Variants in GANC observed in about 807,000 individuals in gnomAD.
GANC encodes glucosidase alpha, neutral C, also known as neutral alpha-glucosidase C.
In GANC, 117 loss-of-function variants were observed where a neutral mutation model predicts 124.2. That is an observed-to-expected ratio of 0.94 (90% CI 0.81 to 1.10). The LOEUF is 1.10. Ranked by LOEUF, GANC falls within the 50% of genes least tolerant of loss-of-function variation. GANC has a pLI of 0.00. For missense variants in GANC, 1,140 were observed against 1,095.0 expected, an observed-to-expected ratio of 1.04 and a Z score of -0.58; for synonymous variants, 377 against 376.8, an observed-to-expected ratio of 1.00 and a Z score of -0.01.
intron 13 of GANC, 26 bp from the exon 14 acceptor site, chr15:42,329,280 T>G (rs1294545377): frequency 5.0e-6 from 8 of 1,598,848 alleles, no homozygotes; most frequent in Non-Finnish European, 6.8e-6. Context: ...AATGTAGGAG[T>G]GTCATGACCA....
intron 16 of GANC, among the ~76,000 whole-genome samples, 168 bp from the exon 17 acceptor site, chr15:42,339,501 G>A (rs1595783667): frequency 6.6e-6 from 1 of 152,256 alleles, no homozygotes; most frequent in South Asian, 2.1e-4. Context: ...CCCCAAACAG[G>A]CTGAATTATG....
intron 10 of GANC, among the ~76,000 whole-genome samples, chr15:42,321,536 C>G (rs78801403): frequency 0.037 from 5,579 of 152,296 alleles, 102 homozygotes; most frequent in Non-Finnish European, 0.042. Flanking sequence ...ATTAACCTCT[C>G]TGTGTTCTGG....
chr15:42,279,360 A>G (rs2051708808), intron 3 of GANC, among the ~76,000 whole-genome samples: 1 of 152,204 alleles, frequency 6.6e-6, no homozygotes, highest in Non-Finnish European at 1.5e-5. Context: ...GGGTATGTCC[A>G]AATCTCAAAA....
At chr15:42,308,159 A>G in intron 7 of GANC, 63 bp from the exon 8 acceptor site, 1 of 1,036,668 alleles carries the variant, frequency 9.6e-7, no homozygotes, top group Non-Finnish European at 1.5e-6. Context: ...ACTCAGAATT[A>G]ACTGAATCTC....
At chr15:42,279,953 C>A (rs572865009) in intron 3 of GANC, among the ~76,000 whole-genome samples, 1 of 152,272 alleles carries the variant, frequency 6.6e-6, no homozygotes, top group East Asian at 1.9e-4. Flanking sequence ...TATTCCCAGA[C>A]AGAAAGAACA....
At chr15:42,329,550 C>T in intron 14 of GANC, 101 bp downstream of exon 14, 5 of 1,264,446 alleles carry the variant, frequency 4.0e-6, no homozygotes, top group Non-Finnish European at 4.3e-6. Flanking sequence ...CTGTTCATTT[C>T]TCTTTGTGTG....
In GANC at chr15:42,348,167, G is replaced by T. The variant is rs1020008668; in HGVS notation, c.2369G>T (p.Gly790Val). The change falls in exon 21 of 24, where the codon GGC (glycine) becomes GTC (valine). Residue 790 changes from glycine (G) to valine (V), a missense_variant. Transcript: ENST00000318010. ...PIKTTVGKST[G>V]WMTESSYGLR... ...AAGACAACTGTAGGAAAATCCACAG[G>T]CTGGATGACTGAATCCTCCTATGGA... 1.2e-6 allele frequency: 2 copies of T among 1,612,816 alleles called. No individual in the cohort carries two copies. Among genetic ancestry groups the T allele is most frequent in the Middle Eastern group, 1.7e-4 (1 of 6,060 alleles).
At chr15:42,290,391 A>G (rs759708585) in intron 4 of GANC, among the ~76,000 whole-genome samples, 6 of 152,220 alleles carry the variant, frequency 3.9e-5, no homozygotes, top group Non-Finnish European at 8.8e-5. Context: ...AAAAGTCCTC[A>G]TATCTTCTGT....
intron 21 of GANC, 61 bp downstream of exon 21, chr15:42,348,277 G>A: frequency 1.9e-6 from 2 of 1,028,360 alleles, no homozygotes; most frequent in Non-Finnish European, 1.5e-6. Flanking sequence ...ATAGCCTTTT[G>A]AGTGTGTGAC....
Position 42,348,063 on chromosome 15 carries a change from A to G in GANC, c.2305-40A>G, listed in dbSNP as rs760707283. 7.3e-6 allele frequency: 8 copies of G among 1,102,824 alleles called. 1 individual carries two copies. In the South Asian group the frequency reaches 1.2e-4, roughly 16 times the overall value. The allele number at this position is 1,102,824 out of a possible 1,614,324, so 68.3% of individuals were successfully genotyped here. On this transcript the variant is annotated intron_variant, in intron 20 of 23. Transcript: ENST00000318010. ...TTAAATTCTACCTTGAAATTTTCTTATATGAATACTGCTTCCCTGAGCGTG... is the reference window on the plus strand; with the variant it reads ...TTAAATTCTACCTTGAAATTTTCTTGTATGAATACTGCTTCCCTGAGCGTG...
chr15:42,321,650 A>G lies in GANC; in HGVS notation c.1058-135A>G, dbSNP rs572762915. On this transcript the variant is annotated intron_variant, in intron 10 of 23. Transcript: ENST00000318010. ...GGTTGTCACTTCCTTAAAGGCAAGG[A>G]CTGTGCTTTCTTCTCCTTGTTATTC... 5 of 749,926 alleles carry G rather than the reference A, an allele frequency of 6.7e-6. No individual in the cohort carries two copies. In the East Asian group the frequency reaches 1.3e-4, roughly 20 times the overall value. The allele number at this position is 749,926 out of a possible 1,614,324, so 46.5% of individuals were successfully genotyped here. A position where few individuals can be genotyped will look rare whatever the true frequency, so the allele number is the denominator to read the frequency against.
At chr15:42,280,021 G>A (rs2051716117) in intron 3 of GANC, among the ~76,000 whole-genome samples, 1 of 152,154 alleles carries the variant, frequency 6.6e-6, no homozygotes, top group South Asian at 2.1e-4. Context: ...TAGTCATATG[G>A]AATCTTCATC....
At chr15:42,340,829 C>A in intron 18 of GANC, 75 bp downstream of exon 18, 1 of 1,195,858 alleles carries the variant, frequency 8.4e-7, no homozygotes, top group Non-Finnish European at 1.2e-6. Context: ...TGCAGTGATG[C>A]TATCTCGGCT....
chr15:42,305,175 C>T (rs1212097981), intron 6 of GANC, among the ~76,000 whole-genome samples: 1 of 152,062 alleles, frequency 6.6e-6, no homozygotes, highest in African/African-American at 2.4e-5. Context: ...GAACAAGCAA[C>T]CTACAGAATG....
At chr15:42,310,581 A>G (rs2052041084) in intron 9 of GANC, 112 bp from the exon 10 acceptor site, 6 of 1,473,938 alleles carry the variant, frequency 4.1e-6, no homozygotes, top group Non-Finnish European at 5.5e-6. Flanking sequence ...TTTACAGTGT[A>G]ATCAGTGAAT....
Position 42,308,224 on chromosome 15 carries a change from CCTT to C in GANC, c.634_636del (p.Ser212del), listed in dbSNP as rs764756448. The C allele has an allele frequency of 3.8e-5, 61 of 1,600,192 alleles. No homozygotes were observed. Among genetic ancestry groups the C allele is most frequent in the Middle Eastern group, 1.7e-4 (1 of 6,028 alleles). On this transcript the variant is annotated inframe_deletion, in exon 8 of 24. Transcript: ENST00000318010. The stretch of plus-strand genomic sequence containing the variant: ...ACTCAGTATCCTGGTCTCTACAGGC[CCTT>C]CTTCTATTGGTTTGGATTTCTCCTT...
chr15:42,297,584 G>A, intron 5 of GANC, 27 bp from the exon 6 acceptor site: 1 of 1,600,348 alleles, frequency 6.2e-7, no homozygotes, highest in Non-Finnish European at 8.5e-7. Context: ...GCCATTGAGT[G>A]AAACAACTTT....
chr15:42,345,688 T>G, intron 19 of GANC, 70 bp from the exon 20 acceptor site: 1 of 839,728 alleles, frequency 1.2e-6, no homozygotes, highest in South Asian at 1.5e-5. Flanking sequence ...AGTGGATATT[T>G]TGCTGACTAA....
At position 42,292,894 on chromosome 15, in the gene GANC, T is replaced by G; in HGVS notation, c.489T>G (p.His163Gln). 6.2e-7 allele frequency: 1 copy of G among 1,614,054 alleles called. No homozygotes were observed. Among genetic ancestry groups the G allele is most frequent in the Non-Finnish European group, 8.5e-7 (1 of 1,179,918 alleles). ...CCCTGGGCCAATTATACTTTGAGCATCTACAGATTCTTCACAAACAAAGGT... is the reference window on the plus strand; with the variant it reads ...CCCTGGGCCAATTATACTTTGAGCAGCTACAGATTCTTCACAAACAAAGGT... ...INSLGQLYFE[H>Q]LQILHKQRAA... Residue 163 changes from histidine (H) to glutamine (Q), a missense_variant, in exon 5 of 24, where the codon CAT (histidine) becomes CAG (glutamine). His to Gln is a conservative substitution (Grantham distance 24). Coordinates refer to ENST00000318010, the MANE Select transcript of GANC (RefSeq NM_198141.3).
Sources: gnomAD v4.1 joint callset for allele counts (sites outside exome capture counted in the v4.1 genomes callset) on GRCh38, gnomAD v4.1.1 for gene constraint, MANE v1.5 for transcripts, NCBI Gene and HGNC (gene_info 2026-07-23, HGNC 2026-07-21) for gene names.